SLC71A1: variants seen among roughly 807,000 people sequenced by gnomAD.
The protein encoded by SLC71A1 is hippocampus abundant gene transcript 1.
At chr1:100,076,412 G>A in the SLC71A1 span, among the ~76,000 whole-genome samples, 1 of 152,266 alleles carries the variant, frequency 6.6e-6, no homozygotes, top group African/African-American at 2.4e-5. Flanking sequence ...GACTTTGAAA[G>A]AAAAAGGAGG....
chr1:100,045,189 C>G, the SLC71A1 span, among the ~76,000 whole-genome samples: 1 of 152,048 alleles, frequency 6.6e-6, no homozygotes, highest in Non-Finnish European at 1.5e-5. Context: ...GTGTTTTGTA[C>G]TTTTCCTTGT....
chr1:100,078,439 C>T, the SLC71A1 span: 11 of 1,569,234 alleles, frequency 7.0e-6, no homozygotes, highest in Non-Finnish European at 8.7e-6. Context: ...TGTTTTGCTG[C>T]TCTCCTTATA....
the SLC71A1 span, among the ~76,000 whole-genome samples, chr1:100,065,718 T>C: frequency 5.7e-3 from 781 of 137,984 alleles, 8 homozygotes; most frequent in African/African-American, 0.019. Flanking sequence ...GCCTTTTCCC[T>C]TTTTTAACCC....
chr1:100,058,819 A>G, the SLC71A1 span: 12 of 631,882 alleles, frequency 1.9e-5, no homozygotes, highest in African/African-American at 5.6e-5. Flanking sequence ...ATATATAACT[A>G]TGCGAATATA....
chr1:100,061,797 A>T, the SLC71A1 span: 1 of 1,208,938 alleles, frequency 8.3e-7, no homozygotes, highest in Admixed American at 1.8e-5. Context: ...AAACAATGGT[A>T]ATTGCTCTAA....
At chr1:100,041,275 A>G in the SLC71A1 span, among the ~76,000 whole-genome samples, 2 of 152,224 alleles carry the variant, frequency 1.3e-5, no homozygotes, top group African/African-American at 4.8e-5. Flanking sequence ...ATTCAGCTGA[A>G]TGAAAAACAG....
At chr1:100,069,147 G>C in the SLC71A1 span, among the ~76,000 whole-genome samples, 1 of 152,140 alleles carries the variant, frequency 6.6e-6, no homozygotes, top group Non-Finnish European at 1.5e-5. Context: ...TGTCCATATA[G>C]GTGGTTTGAG....
At chr1:100,038,647 C>CCGCCGCGCCCCTCGT in the SLC71A1 span, among the ~76,000 whole-genome samples, 2 of 152,158 alleles carry the variant, frequency 1.3e-5, no homozygotes, top group East Asian at 3.9e-4. Flanking sequence ...GGCGGCCCGC[C>CCGCCGCGCCCCTCGT]CGCCGCGCCC....
the SLC71A1 span, among the ~76,000 whole-genome samples, chr1:100,052,473 C>T: frequency 6.8e-6 from 1 of 147,652 alleles, no homozygotes; most frequent in Non-Finnish European, 1.5e-5. Context: ...CTGTCTGTCC[C>T]CAGGCTGGAG....
At chr1:100,065,117 G>C in the SLC71A1 span, among the ~76,000 whole-genome samples, 2 of 151,982 alleles carry the variant, frequency 1.3e-5, no homozygotes, top group Non-Finnish European at 2.9e-5. Flanking sequence ...CAAGTGATCT[G>C]CCTGTCTCAG....
the SLC71A1 span, among the ~76,000 whole-genome samples, chr1:100,046,652 T>C: frequency 1.3e-5 from 2 of 152,240 alleles, no homozygotes; most frequent in Admixed American, 6.5e-5. Context: ...AGTAACTGCA[T>C]TGAATCTGTA....
At chr1:100,077,704 T>C in the SLC71A1 span, among the ~76,000 whole-genome samples, 1 of 152,200 alleles carries the variant, frequency 6.6e-6, no homozygotes, top group Non-Finnish European at 1.5e-5. Context: ...ATCCAGTTAT[T>C]TTGGTGCCAG....
chr1:100,068,269 A>G, the SLC71A1 span: 2 of 1,214,014 alleles, frequency 1.6e-6, no homozygotes, highest in Non-Finnish European at 2.3e-6. Context: ...TTTGTTGTGG[A>G]TATTTCTTTA....
At chr1:100,047,231 T>C in the SLC71A1 span, among the ~76,000 whole-genome samples, 79 of 152,354 alleles carry the variant, frequency 5.2e-4, 2 homozygotes, top group Non-Finnish European at 1.5e-5. Flanking sequence ...GGTATGTTCC[T>C]TCTATACCAT....
the SLC71A1 span, among the ~76,000 whole-genome samples, chr1:100,067,818 C>T: frequency 4.6e-5 from 7 of 151,904 alleles, no homozygotes; most frequent in Non-Finnish European, 1.0e-4. Flanking sequence ...CCCCCACTCT[C>T]GCCCCCACAA....
chr1:100,073,966 T>C, the SLC71A1 span, among the ~76,000 whole-genome samples: 1 of 152,218 alleles, frequency 6.6e-6, no homozygotes, highest in African/African-American at 2.4e-5. Context: ...GAGAATATTA[T>C]AACATTTAGA....
At chr1:100,038,585 C>T in the SLC71A1 span, among the ~76,000 whole-genome samples, 1 of 152,184 alleles carries the variant, frequency 6.6e-6, no homozygotes, top group Non-Finnish European at 1.5e-5. Flanking sequence ...GCCCTGCGGC[C>T]TCGAACCCCA....
the SLC71A1 span, among the ~76,000 whole-genome samples, chr1:100,076,521 C>A: frequency 3.9e-5 from 6 of 152,104 alleles, no homozygotes; most frequent in Admixed American, 2.0e-4. Flanking sequence ...CATTTAATTC[C>A]CATGACAAGG....
chr1:100,050,041 A>G, the SLC71A1 span: 1 of 1,068,900 alleles, frequency 9.4e-7, no homozygotes, highest in South Asian at 1.3e-5. Context: ...ACTGACTCCA[A>G]AATCTCTTCT....
Sources: gnomAD v4.1 joint callset for allele counts (sites outside exome capture counted in the v4.1 genomes callset) on GRCh38, gnomAD v4.1.1 for gene constraint, MANE v1.5 for transcripts, NCBI Gene and HGNC (gene_info 2026-07-23, HGNC 2026-07-21) for gene names.